Variants in ATXN7L1 observed in about 807,000 individuals in gnomAD.
ATXN7L1 encodes ataxin-7-like protein 1.
Under a neutral mutation model 70.8 loss-of-function variants are expected in ATXN7L1, and 15 were observed. The ratio of observed to expected loss-of-function variants is 0.21; its 90% CI spans 0.14 to 0.33. The LOEUF (loss-of-function observed/expected upper bound fraction) is 0.33, where lower values mean the gene tolerates loss of function less well. ATXN7L1 is among the 10% of genes least tolerant of loss of function. The pLI is 1.00. For missense variants in ATXN7L1, 975 were observed against 1,097.1 expected (o/e 0.89, Z 1.57); for synonymous variants, 440 against 445.1 (o/e 0.99, Z 0.14).
chr7:105,777,239 T>C (rs923713345), intron 3 of ATXN7L1, among the ~76,000 whole-genome samples: 2 of 152,164 alleles, frequency 1.3e-5, no homozygotes, highest in African/African-American at 4.8e-5. Context: ...AAGCCCAGCA[T>C]ACATGCCAAT....
intron 3 of ATXN7L1, among the ~76,000 whole-genome samples, chr7:105,671,100 G>A (rs181414481): frequency 0.1 from 6,517 of 64,984 alleles, 298 homozygotes; most frequent in African/African-American, 0.18. Context: ...GCGAGACTAC[G>A]TCTCAAAAAA....
intron 3 of ATXN7L1, among the ~76,000 whole-genome samples, chr7:105,726,465 T>C (rs1795831162): frequency 2.0e-5 from 3 of 152,296 alleles, no homozygotes; most frequent in Non-Finnish European, 2.9e-5. Context: ...TCTGAGGTGA[T>C]GGCTGGCAGA....
intron 2 of ATXN7L1, among the ~76,000 whole-genome samples, chr7:105,874,269 G>A (rs1175783617): frequency 6.6e-6 from 1 of 152,146 alleles, no homozygotes; most frequent in Non-Finnish European, 1.5e-5. Context: ...GACCTGAGAG[G>A]TGACAATCCT....
At chr7:105,694,587 G>C (rs990222352) in intron 3 of ATXN7L1, among the ~76,000 whole-genome samples, 7 of 152,160 alleles carry the variant, frequency 4.6e-5, no homozygotes, top group Non-Finnish European at 1.0e-4. Flanking sequence ...GTCCAATCCT[G>C]GGTCTCAGCC....
At chr7:105,796,317 G>A (rs1186108265) in intron 2 of ATXN7L1, among the ~76,000 whole-genome samples, 7 of 152,248 alleles carry the variant, frequency 4.6e-5, no homozygotes, top group South Asian at 2.1e-4. Context: ...AACAGAGATC[G>A]CGCCACTGTA....
At chr7:105,790,243 T>G (rs1446128421) in intron 2 of ATXN7L1, among the ~76,000 whole-genome samples, 1 of 152,230 alleles carries the variant, frequency 6.6e-6, no homozygotes, top group African/African-American at 2.4e-5. Context: ...GACAGTCACA[T>G]AACTCTGAGA....
At chr7:105,646,770 CA>C (rs5886362) in intron 4 of ATXN7L1, among the ~76,000 whole-genome samples, 99 of 118,454 alleles carry the variant, frequency 8.4e-4, no homozygotes, top group Admixed American at 1.2e-3. Context: ...CATGTCTCTA[CA>C]AAAAAAAAAA....
intron 3 of ATXN7L1, among the ~76,000 whole-genome samples, chr7:105,700,608 TA>T (rs1233032649): frequency 6.6e-6 from 1 of 151,504 alleles, no homozygotes; most frequent in African/African-American, 2.4e-5. Context: ...AGGTTATTCC[TA>T]AAGTAATTTA....
At chr7:105,720,000 G>A (rs147244253) in intron 3 of ATXN7L1, among the ~76,000 whole-genome samples, 63 of 152,272 alleles carry the variant, frequency 4.1e-4, no homozygotes, top group African/African-American at 1.5e-3. Context: ...TCCTTTAAAC[G>A]TCTCTGGCCC....
At chr7:105,820,480 G>A (rs1809980399) in intron 2 of ATXN7L1, among the ~76,000 whole-genome samples, 1 of 152,198 alleles carries the variant, frequency 6.6e-6, no homozygotes, top group Non-Finnish European at 1.5e-5. Context: ...TGATGAGGCT[G>A]CAGCTTGGCT....
intron 3 of ATXN7L1, among the ~76,000 whole-genome samples, chr7:105,680,447 G>A (rs999131070): frequency 3.9e-5 from 6 of 152,180 alleles, no homozygotes; most frequent in African/African-American, 1.2e-4. Context: ...CAGAATTGAG[G>A]AGAATTCATC....
chr7:105,664,919 T>C, intron 4 of ATXN7L1, 147 bp downstream of exon 4: 2 of 768,236 alleles, frequency 2.6e-6, no homozygotes, highest in Admixed American at 2.8e-5. Flanking sequence ...TTCCATCATT[T>C]TGGGTTTCTG....
intron 3 of ATXN7L1, among the ~76,000 whole-genome samples, chr7:105,775,786 TTTG>T (rs1802643335): frequency 6.6e-6 from 1 of 152,114 alleles, no homozygotes. Context: ...AACATGCAGT[TTTG>T]TTGTTCTTGT....
Position 105,701,859 on chromosome 7 carries a change from G to A in ATXN7L1, c.356-36571C>T, listed in dbSNP as rs759749360. On this transcript the variant is annotated intron_variant, in intron 3 of 11. Transcript: ENST00000419735. ...AGCTGGGAATACAAGCATGAGCCAC[G>A]GTGCCCAACTCATTAATTCATTTTA... Among the ~76,000 whole-genome samples, 4 of 152,050 alleles carry A rather than the reference G, an allele frequency of 2.6e-5. 1 individual carries two copies. Among genetic ancestry groups the A allele is most frequent in the East Asian group, 3.9e-4 (2 of 5,190 alleles).
intron 2 of ATXN7L1, among the ~76,000 whole-genome samples, chr7:105,821,551 A>C (rs149734390): frequency 8.1e-4 from 123 of 152,348 alleles, no homozygotes; most frequent in African/African-American, 2.9e-3. Context: ...TATGGGTATC[A>C]GAGAGAGGAG....
chr7:105,732,664 G>A (rs1189558212), intron 3 of ATXN7L1, among the ~76,000 whole-genome samples: 1 of 152,180 alleles, frequency 6.6e-6, no homozygotes, highest in Admixed American at 6.5e-5. Context: ...GTTGGCAGGG[G>A]TGGGATCACC....
intron 3 of ATXN7L1, among the ~76,000 whole-genome samples, chr7:105,704,802 C>G (rs528938653): frequency 4.0e-5 from 6 of 151,180 alleles, no homozygotes; most frequent in East Asian, 2.0e-4. Context: ...GTAGAGATGG[C>G]GTTTCACTAT....
intron 8 of ATXN7L1, among the ~76,000 whole-genome samples, chr7:105,622,448 TACG>T (rs1795073638): frequency 2.6e-5 from 4 of 152,232 alleles, no homozygotes; most frequent in African/African-American, 9.6e-5. Context: ...GCTGGCATGT[TACG>T]CCTCCAGCAG....
At chr7:105,711,530 G>A (rs1793912420) in intron 3 of ATXN7L1, among the ~76,000 whole-genome samples, 1 of 152,216 alleles carries the variant, frequency 6.6e-6, no homozygotes. Context: ...CCAAAACAAA[G>A]GGGCAACAGG....
Sources: allele counts gnomAD v4.1 joint callset (sites outside exome capture counted in the v4.1 genomes callset), GRCh38; gene constraint gnomAD v4.1.1; transcripts MANE v1.5; gene names NCBI Gene and HGNC (gene_info 2026-07-23, HGNC 2026-07-21).